The following CNTN5 variants were observed in gnomAD, a reference collection of about 807,000 sequenced individuals.
The protein encoded by CNTN5 is contactin-5.
In CNTN5, 77 loss-of-function variants were observed where a neutral mutation model predicts 129.1. The ratio of observed to expected loss-of-function variants is 0.60; its 90% CI spans 0.50 to 0.72. The LOEUF is 0.72. Ranked by LOEUF, CNTN5 falls within the 30% of genes least tolerant of loss-of-function variation. The pLI, the probability that CNTN5 is intolerant of heterozygous loss-of-function variation, is 0.00. For missense variants in CNTN5, 1,478 were observed against 1,328.8 expected, an observed-to-expected ratio of 1.11 and a Z score of -1.75; for synonymous variants, 509 against 465.6, an observed-to-expected ratio of 1.09 and a Z score of -1.20.
At chr11:99,175,056 G>GA (rs1857706589) in intron 1 of CNTN5, among the ~76,000 whole-genome samples, 1 of 151,938 alleles carries the variant, frequency 6.6e-6, no homozygotes, top group Non-Finnish European at 1.5e-5. Flanking sequence ...AACAAAGTAA[G>GA]ACTCTAGTCT....
intron 8 of CNTN5, among the ~76,000 whole-genome samples, chr11:100,001,380 G>A (rs1189985722): frequency 2.0e-5 from 3 of 152,106 alleles, no homozygotes; most frequent in Non-Finnish European, 2.9e-5. Flanking sequence ...CGTGCCTCTC[G>A]ACATACGCAG....
chr11:99,670,075 G>A (rs1952971112), intron 3 of CNTN5, among the ~76,000 whole-genome samples: 1 of 151,980 alleles, frequency 6.6e-6, no homozygotes, highest in South Asian at 2.1e-4. Flanking sequence ...TAATGTCTTT[G>A]GTTCTTATTA....
At chr11:99,832,978 A>G (rs1947191668) in intron 4 of CNTN5, among the ~76,000 whole-genome samples, 1 of 152,142 alleles carries the variant, frequency 6.6e-6, no homozygotes, top group African/African-American at 2.4e-5. Context: ...CCTGAGAAAA[A>G]TAAGCACAGA....
At chr11:99,537,201 T>G (rs960530141) in intron 2 of CNTN5, among the ~76,000 whole-genome samples, 4 of 152,214 alleles carry the variant, frequency 2.6e-5, no homozygotes, top group African/African-American at 9.6e-5. Flanking sequence ...AATGCAATCC[T>G]GTTCTGCTTA....
chr11:99,863,658 T>G (rs1284723193), intron 6 of CNTN5, among the ~76,000 whole-genome samples: 2 of 152,204 alleles, frequency 1.3e-5, no homozygotes, highest in South Asian at 2.1e-4. Context: ...ATTAGGGATA[T>G]TCAAATATTC....
intron 14 of CNTN5, among the ~76,000 whole-genome samples, chr11:100,191,637 T>G (rs964865626): frequency 6.6e-5 from 10 of 151,976 alleles, no homozygotes; most frequent in African/African-American, 2.4e-4. Context: ...AACTAGGGAT[T>G]TGGGGCAGAA....
chr11:99,395,698 C>T lies in CNTN5; in HGVS notation c.-71+70214C>T, dbSNP rs576760213. ...GGGTTTTACATTTAAGTCTTTAATC[C>T]ATCTCGAGTTGATTTTTTGTATATG... On this transcript the variant is annotated intron_variant, in intron 2 of 24. Coordinates refer to ENST00000524871, the MANE Select transcript of CNTN5 (RefSeq NM_014361.4). 4.6e-5 allele frequency among the ~76,000 whole-genome samples: 7 copies of T among 151,902 alleles called. No homozygotes were observed. In the East Asian group the frequency reaches 1.2e-3, roughly 25 times the overall value.
At chr11:100,284,001 T>C (rs2138828918) in intron 18 of CNTN5, among the ~76,000 whole-genome samples, 1 of 152,226 alleles carries the variant, frequency 6.6e-6, no homozygotes, top group South Asian at 2.1e-4. Flanking sequence ...TGGGTGGGCA[T>C]CAGCTGAATT....
At chr11:99,391,911 TC>T (rs1192400808) in intron 2 of CNTN5, among the ~76,000 whole-genome samples, 1 of 151,952 alleles carries the variant, frequency 6.6e-6, no homozygotes, top group African/African-American at 2.4e-5. Context: ...CTGTATACTG[TC>T]CCTCAAAGAA....
In CNTN5 at chr11:100,002,195, A is replaced by G; in HGVS notation, c.980+59A>G. 4 of 1,134,322 alleles carry G rather than the reference A, an allele frequency of 3.5e-6. No homozygotes were observed. In the South Asian group the frequency reaches 5.1e-5, roughly 15 times the overall value. The allele number at this position is 1,134,322 out of a possible 1,614,324, so 70.3% of individuals were successfully genotyped here. A position where few individuals can be genotyped will look rare whatever the true frequency, so the allele number is the denominator to read the frequency against. ...TTTTTATTAAAATGTGACATATCTT[A>G]TTTTTGGATCACTTATTTTGCTAGG... On this transcript the variant is annotated intron_variant, in intron 9 of 24. Transcript: ENST00000524871.
At chr11:99,934,078 G>C (rs1241320032) in intron 7 of CNTN5, among the ~76,000 whole-genome samples, 1 of 152,072 alleles carries the variant, frequency 6.6e-6, no homozygotes. Flanking sequence ...AGTATATATT[G>C]TTTGCAGCAT....
At chr11:99,919,673 G>A (rs1949886875) in intron 7 of CNTN5, among the ~76,000 whole-genome samples, 1 of 151,788 alleles carries the variant, frequency 6.6e-6, no homozygotes, top group Non-Finnish European at 1.5e-5. Flanking sequence ...TTATATAATT[G>A]TGCCTTCATC....
chr11:99,552,740 G>A (rs1362047299), intron 2 of CNTN5, among the ~76,000 whole-genome samples: 2 of 152,026 alleles, frequency 1.3e-5, no homozygotes, highest in Non-Finnish European at 2.9e-5. Flanking sequence ...ACAGGGACCG[G>A]ATTGCATACG....
chr11:99,291,100 A>T (rs1864154080), intron 1 of CNTN5, among the ~76,000 whole-genome samples: 1 of 152,012 alleles, frequency 6.6e-6, no homozygotes, highest in Non-Finnish European at 1.5e-5. Flanking sequence ...AAATAATGGG[A>T]TTCTCTAATT....
intron 9 of CNTN5, among the ~76,000 whole-genome samples, chr11:100,009,793 C>G (rs537833424): frequency 6.6e-6 from 1 of 152,056 alleles, no homozygotes; most frequent in East Asian, 1.9e-4. Flanking sequence ...GGATTGGAAA[C>G]GAAAATTTAA....
chr11:99,830,086 T>C (rs1366908730), intron 4 of CNTN5, among the ~76,000 whole-genome samples: 2 of 152,138 alleles, frequency 1.3e-5, no homozygotes, highest in African/African-American at 4.8e-5. Flanking sequence ...CAGTCTGGAT[T>C]AGGAGTGATT....
chr11:100,024,126 G>A (rs1246215928), intron 9 of CNTN5, among the ~76,000 whole-genome samples: 2 of 152,164 alleles, frequency 1.3e-5, no homozygotes, highest in East Asian at 1.9e-4. Context: ...GGAGAGACCA[G>A]GTGGAGGTAA....
chr11:99,919,456 A>AT (rs1352320215), intron 7 of CNTN5, among the ~76,000 whole-genome samples: 2 of 152,140 alleles, frequency 1.3e-5, no homozygotes, highest in African/African-American at 2.4e-5. Flanking sequence ...CTACTACATG[A>AT]TTTTTGGTTT....
intron 2 of CNTN5, among the ~76,000 whole-genome samples, chr11:99,438,634 A>G (rs1255893141): frequency 1.3e-5 from 2 of 152,146 alleles, no homozygotes; most frequent in Non-Finnish European, 2.9e-5. Flanking sequence ...AGCAAAACAT[A>G]AAAATTATCT....
Sources: gnomAD v4.1 joint callset for allele counts (sites outside exome capture counted in the v4.1 genomes callset) on GRCh38, gnomAD v4.1.1 for gene constraint, MANE v1.5 for transcripts, NCBI Gene and HGNC (gene_info 2026-07-23, HGNC 2026-07-21) for gene names.